Variants in COL25A1 observed in about 807,000 individuals in gnomAD.
COL25A1 encodes the protein collagen alpha-1(XXV) chain.
Under a neutral mutation model 128.4 loss-of-function variants are expected in COL25A1, and 103 were observed. That is an observed-to-expected ratio of 0.80 (90% CI 0.68 to 0.94). The LOEUF (loss-of-function observed/expected upper bound fraction) is 0.94, where lower values mean the gene tolerates loss of function less well. Among genes scored for constraint, COL25A1 ranks in the 40% least tolerant of loss-of-function variants. COL25A1 has a pLI of 0.00. For synonymous variants in COL25A1, 279 were observed against 277.2 expected, an observed-to-expected ratio of 1.01 and a Z score of -0.06; for missense variants, 745 against 840.0, an observed-to-expected ratio of 0.89 and a Z score of 1.40.
chr4:109,294,578 C>CA (rs1560993793), intron 3 of COL25A1, among the ~76,000 whole-genome samples: 1 of 152,070 alleles, frequency 6.6e-6, no homozygotes. Context: ...CATGGAACTT[C>CA]ACCCATATTG....
At chr4:109,065,545 C>CGTGTGTGTGT (rs70949065) in intron 3 of COL25A1, among the ~76,000 whole-genome samples, 1 of 141,132 alleles carries the variant, frequency 7.1e-6, no homozygotes, top group Admixed American at 7.1e-5. Context: ...CGCGCGCGCG[C>CGTGTGTGTGT]GTGTGTGTGT....
At chr4:108,950,074 G>A (rs1315839751) in intron 8 of COL25A1, among the ~76,000 whole-genome samples, 2 of 152,036 alleles carry the variant, frequency 1.3e-5, no homozygotes, top group African/African-American at 2.4e-5. Flanking sequence ...ATTTATCCAC[G>A]CTCTTTTCCT....
At chr4:108,835,852 T>A (rs1733723827) in intron 31 of COL25A1, among the ~76,000 whole-genome samples, 1 of 142,942 alleles carries the variant, frequency 7.0e-6, no homozygotes, top group African/African-American at 2.5e-5. Flanking sequence ...GTGCCCGGCT[T>A]ACATACGTCT....
intron 3 of COL25A1, among the ~76,000 whole-genome samples, chr4:109,277,858 G>A (rs375425558): frequency 3.9e-5 from 6 of 152,014 alleles, no homozygotes; most frequent in Non-Finnish European, 7.4e-5. Flanking sequence ...ATTATTGGCC[G>A]GACATGGTGG....
At chr4:109,086,385 T>C (rs1156277919) in intron 3 of COL25A1, among the ~76,000 whole-genome samples, 1 of 152,228 alleles carries the variant, frequency 6.6e-6, no homozygotes, top group East Asian at 1.9e-4. Context: ...AAGGAAGAGA[T>C]GCCAATTTGT....
intron 3 of COL25A1, among the ~76,000 whole-genome samples, chr4:109,132,281 T>C (rs1269235856): frequency 1.3e-5 from 2 of 152,148 alleles, no homozygotes; most frequent in African/African-American, 4.8e-5. Context: ...GGTTTGTTTT[T>C]ACTTTCTTTT....
At chr4:109,150,091 A>G (rs1029056746) in intron 3 of COL25A1, among the ~76,000 whole-genome samples, 3 of 150,538 alleles carry the variant, frequency 2.0e-5, no homozygotes, top group African/African-American at 4.9e-5. Flanking sequence ...GTATGTCTGT[A>G]TGTGTGTGTG....
At chr4:108,938,767 G>T (rs1747732808) in intron 10 of COL25A1, among the ~76,000 whole-genome samples, 1 of 152,136 alleles carries the variant, frequency 6.6e-6, no homozygotes, top group Non-Finnish European at 1.5e-5. Context: ...TGAGACAGGA[G>T]AATGGTGTGA....
intron 8 of COL25A1, among the ~76,000 whole-genome samples, chr4:108,950,481 C>A (rs530146274): frequency 3.3e-4 from 50 of 152,298 alleles, no homozygotes; most frequent in African/African-American, 1.1e-3. Flanking sequence ...TTCTGGCTAG[C>A]CACTCTCAAA....
chr4:109,022,397 A>G (rs1315903102), intron 5 of COL25A1, among the ~76,000 whole-genome samples: 2 of 152,210 alleles, frequency 1.3e-5, no homozygotes, highest in Non-Finnish European at 2.9e-5. Flanking sequence ...TAAATCCATT[A>G]TCATCACAAA....
chr4:108,937,794 AC>A lies in COL25A1; in HGVS notation c.708+13del, dbSNP rs1343208767. 6.3e-7 allele frequency: 1 copy of A among 1,599,160 alleles called. No individual in the cohort carries two copies. The highest frequency in any genetic ancestry group is 1.1e-5 in the South Asian group (1 of 88,178). ...CCAGGCTTAGTATAGAAAAAGATAA[AC>A]TGAGATACTTGCCATCAAGCCTTGT... On this transcript the variant is annotated intron_variant, in intron 11 of 37. Coordinates refer to ENST00000399132, the MANE Select transcript of COL25A1 (RefSeq NM_198721.4).
At chr4:109,067,203 T>C (rs943701389) in intron 3 of COL25A1, among the ~76,000 whole-genome samples, 2 of 152,194 alleles carry the variant, frequency 1.3e-5, no homozygotes, top group African/African-American at 4.8e-5. Context: ...CACTGTCCTC[T>C]GGAAGCATAA....
At chr4:108,845,163 T>C (rs1377598277) in intron 29 of COL25A1, 26 bp downstream of exon 29, 3 of 1,599,820 alleles carry the variant, frequency 1.9e-6, no homozygotes, top group Non-Finnish European at 2.6e-6. Context: ...TCAGGAACAA[T>C]GGAAGTTCAG....
Position 108,901,102 on chromosome 4 carries a change from G to A in COL25A1, c.834+17C>T, listed in dbSNP as rs1178070214. The A allele has an allele frequency of 1.9e-6, 3 of 1,593,684 alleles. No homozygotes were observed. Among genetic ancestry groups the A allele is most frequent in the Non-Finnish European group, 2.6e-6 (3 of 1,163,112 alleles). ...TTCGTGTGTCAAATGATTCTGCTTG[G>A]CTTTATTTGTACTAACCTTAGGTCC... On this transcript the variant is annotated intron_variant, in intron 14 of 37. Transcript: ENST00000399132.
chr4:109,034,790 T>C (rs1759187195), intron 5 of COL25A1, among the ~76,000 whole-genome samples: 1 of 152,216 alleles, frequency 6.6e-6, no homozygotes, highest in African/African-American at 2.4e-5. Flanking sequence ...TTTCTATATA[T>C]GCATCACTTT....
chr4:108,889,901 C>T (rs1169638628), intron 16 of COL25A1, among the ~76,000 whole-genome samples, 168 bp from the exon 17 acceptor site: 2 of 152,160 alleles, frequency 1.3e-5, no homozygotes, highest in Admixed American at 1.3e-4. Context: ...TTAAGATCTA[C>T]GTTCCATAAG....
intron 3 of COL25A1, among the ~76,000 whole-genome samples, chr4:109,263,239 A>T (rs1781566115): frequency 6.6e-6 from 1 of 152,212 alleles, no homozygotes; most frequent in Non-Finnish European, 1.5e-5. Flanking sequence ...GTTGCTAGAG[A>T]TATATTTTAA....
chr4:109,258,776 A>G (rs1453642796), intron 3 of COL25A1, among the ~76,000 whole-genome samples: 1 of 152,224 alleles, frequency 6.6e-6, no homozygotes, highest in African/African-American at 2.4e-5. Context: ...GATTAATGTC[A>G]TTAAAATATA....
chr4:109,188,425 A>T (rs547472004), intron 3 of COL25A1, among the ~76,000 whole-genome samples: 1 of 152,268 alleles, frequency 6.6e-6, no homozygotes, highest in South Asian at 2.1e-4. Context: ...GCATTTTTTC[A>T]TGATTTCATA....
Sources: allele counts gnomAD v4.1 joint callset (sites outside exome capture counted in the v4.1 genomes callset), GRCh38; gene constraint gnomAD v4.1.1; transcripts MANE v1.5; gene names NCBI Gene and HGNC (gene_info 2026-07-23, HGNC 2026-07-21).